CACNA2D4: variants seen among roughly 807,000 people sequenced by gnomAD.
CACNA2D4 encodes the protein calcium voltage-gated channel auxiliary subunit alpha2delta 4, also known as voltage-dependent calcium channel subunit alpha-2/delta-4.
Under a neutral mutation model 163.8 loss-of-function variants are expected in CACNA2D4, and 157 were observed. The observed-to-expected ratio is 0.96, with a 90% CI of 0.84 to 1.09. CACNA2D4 has a LOEUF of 1.09. CACNA2D4 is among the 50% of genes least tolerant of loss of function. CACNA2D4 has a pLI of 0.00. For synonymous variants in CACNA2D4, 598 were observed against 586.9 expected, an observed-to-expected ratio of 1.02 and a Z score of -0.27; for missense variants, 1,410 against 1,479.9, an observed-to-expected ratio of 0.95 and a Z score of 0.78.
At chr12:1,814,756 C>A (rs1863821826) in intron 26 of CACNA2D4, among the ~76,000 whole-genome samples, 1 of 152,240 alleles carries the variant, frequency 6.6e-6, no homozygotes. Context: ...TTAATGCAAG[C>A]ACCCCCGAAC....
chr12:1,907,816 G>T (rs923772548), intron 5 of CACNA2D4, 59 bp downstream of exon 5: 280 of 1,584,102 alleles, frequency 1.8e-4, no homozygotes, highest in Admixed American at 4.8e-4. Flanking sequence ...GGGCGTGTCT[G>T]GTGGGTGTGC....
chr12:1,831,071 A>C, intron 26 of CACNA2D4: 1 of 1,614,014 alleles, frequency 6.2e-7, no homozygotes, highest in South Asian at 1.1e-5. Flanking sequence ...ACGTGCCCGC[A>C]GCCACCCGAA....
At chr12:1,907,326 G>T in intron 6 of CACNA2D4, 114 bp downstream of exon 6, 1 of 959,788 alleles carries the variant, frequency 1.0e-6, no homozygotes, top group Non-Finnish European at 1.5e-6. Context: ...CTTTGGGATA[G>T]GAGGACCAGC....
intron 26 of CACNA2D4, among the ~76,000 whole-genome samples, chr12:1,838,854 C>T (rs183739832): frequency 7.9e-5 from 12 of 152,228 alleles, no homozygotes; most frequent in South Asian, 2.1e-4. Flanking sequence ...TGTAGGGAGA[C>T]GATTTCGGAG....
chr12:1,841,398 G>C (rs1205693079), intron 25 of CACNA2D4, among the ~76,000 whole-genome samples: 4 of 152,214 alleles, frequency 2.6e-5, no homozygotes, highest in Non-Finnish European at 4.4e-5. Flanking sequence ...CAGCAACTCA[G>C]GGCAAGTCCT....
Position 1,834,284 on chromosome 12 carries a change from C to A in CACNA2D4, c.2551+6455G>T. On this transcript the variant is annotated intron_variant, in intron 26 of 37. Transcript: ENST00000382722. The surrounding 1 kb of genome is among the most constrained non-coding windows in gnomAD (Gnocchi z 7.6). ...GCATGTAGGGGGACGCTTGGACCAG[C>A]TTGCCTGCACCCTGCCCAAGGAGCT... 1 of 1,582,016 alleles carries A rather than the reference C, an allele frequency of 6.3e-7. No individual in the cohort carries two copies.
At chr12:1,912,768 C>T (rs1006368901) in intron 3 of CACNA2D4, among the ~76,000 whole-genome samples, 1 of 152,232 alleles carries the variant, frequency 6.6e-6, no homozygotes, top group African/African-American at 2.4e-5. Flanking sequence ...CCCGGCAGTG[C>T]TGGGCATGGC....
In CACNA2D4 at chr12:1,883,880, T is replaced by C. The variant is rs1263519896; in HGVS notation, c.1351+363A>G. The C allele has an allele frequency of 4.0e-6, 1 of 250,018 alleles. No individual in the cohort carries two copies. The highest frequency in any genetic ancestry group is 7.7e-6 in the Non-Finnish European group (1 of 129,342). The allele number at this position is 250,018 out of a possible 1,614,324, so 15.5% of individuals were successfully genotyped here. Reference sequence around the variant, plus strand: ...CCTGGAAATGGGGCCAGGTGCATAGTGGATGCTCAGTGAATTTTTGTTGAA... The same window carrying C: ...CCTGGAAATGGGGCCAGGTGCATAGCGGATGCTCAGTGAATTTTTGTTGAA... On this transcript the variant is annotated intron_variant, in intron 12 of 37. Transcript: ENST00000382722. The surrounding 1 kb of genome is among the most constrained non-coding windows in gnomAD (Gnocchi z 4.5).
intron 6 of CACNA2D4, among the ~76,000 whole-genome samples, chr12:1,902,003 A>G (rs956408349): frequency 1.3e-5 from 2 of 152,166 alleles, no homozygotes; most frequent in African/African-American, 4.8e-5. Flanking sequence ...CAATACATTA[A>G]AAAGATCATT....
rs1863098136 is a variant in CACNA2D4 at position 1,795,650 on chromosome 12, C to T, written c.3226+18G>A. 4 of 1,540,434 alleles carry T rather than the reference C, an allele frequency of 2.6e-6. No homozygotes were observed. The highest frequency in any genetic ancestry group is 3.3e-5 in the Admixed American group (2 of 59,892). ...GCCCCCGCCCCCACCGCACACATCC[C>T]CGAGCATTGCAGGATATATTTGACT... On this transcript the variant is annotated intron_variant, in intron 36 of 37. Coordinates refer to ENST00000382722, the MANE Select transcript of CACNA2D4 (RefSeq NM_172364.5).
chr12:1,848,997 C>T (rs1226739057), intron 23 of CACNA2D4, among the ~76,000 whole-genome samples: 1 of 152,182 alleles, frequency 6.6e-6, no homozygotes, highest in Non-Finnish European at 1.5e-5. Context: ...CCCTTGGGCA[C>T]AATATCATTT....
In CACNA2D4 at chr12:1,880,015, G is replaced by A. The variant is rs1865961251; in HGVS notation, c.1486-134C>T. 1.0e-5 allele frequency: 6 copies of A among 594,580 alleles called. No homozygotes were observed. The South Asian group carries it at 1.2e-4, about 12-fold the overall frequency. 36.8% of individuals were successfully genotyped at this position (594,580 alleles called of 1,614,324 possible). On this transcript the variant is annotated intron_variant, in intron 13 of 37. Transcript: ENST00000382722. ...AGCGTCACCTTCCCACAGGAAGGAG[G>A]AAATCCCAAATGAGGATTCCCTTCT...
intron 16 of CACNA2D4, among the ~76,000 whole-genome samples, chr12:1,876,657 G>C (rs1299300523): frequency 6.6e-6 from 1 of 152,126 alleles, no homozygotes; most frequent in Non-Finnish European, 1.5e-5. Flanking sequence ...TTTCTTGCCT[G>C]TTCAGGGGAT....
rs577934785 is a variant in CACNA2D4, at chr12:1,804,796, C to G, written c.2722-3152G>C. Reference sequence around the variant, plus strand: ...GACTCGAAGGCAGGAGCCCCTCCAGCTATGCTGGGATCGTGCGGATGGGGA... The same window carrying G: ...GACTCGAAGGCAGGAGCCCCTCCAGGTATGCTGGGATCGTGCGGATGGGGA... On this transcript the variant is annotated intron_variant, in intron 29 of 37. Transcript: ENST00000382722. Among the ~76,000 whole-genome samples, 11 of 152,394 alleles carry G rather than the reference C, an allele frequency of 7.2e-5. No individual in the cohort carries two copies. In the East Asian group the frequency reaches 1.9e-3, roughly 27 times the overall value.
At chr12:1,823,206 C>T (rs1400196246) in intron 26 of CACNA2D4, 1 of 152,538 alleles carries the variant, frequency 6.6e-6, no homozygotes, top group African/African-American at 2.4e-5. Flanking sequence ...GGCTGTGTGT[C>T]TTGGATGCTT....
chr12:1,800,615 GC>G, intron 31 of CACNA2D4, 177 bp from the exon 32 acceptor site: 1 of 633,496 alleles, frequency 1.6e-6, no homozygotes, highest in Non-Finnish European at 2.8e-6. Flanking sequence ...CCTCCCACCT[GC>G]CCTGCAGAGC....
chr12:1,831,055 C>T, intron 26 of CACNA2D4: 2 of 1,614,052 alleles, frequency 1.2e-6, no homozygotes, highest in South Asian at 1.1e-5. Context: ...ACCACGGTGC[C>T]CCCAGACGTG....
At chr12:1,796,970 G>A (rs962872424) in intron 35 of CACNA2D4, among the ~76,000 whole-genome samples, 1 of 152,176 alleles carries the variant, frequency 6.6e-6, no homozygotes, top group East Asian at 1.9e-4. Flanking sequence ...GCACACTTCC[G>A]GCCTTCTCTT....
At chr12:1,801,502 G>T in intron 30 of CACNA2D4, 72 bp downstream of exon 30, 5 of 1,259,370 alleles carry the variant, frequency 4.0e-6, no homozygotes, top group Non-Finnish European at 4.5e-6. Flanking sequence ...CCTGAGATCC[G>T]CCAGGACCAC....
Sources: gnomAD v4.1 joint callset for allele counts (sites outside exome capture counted in the v4.1 genomes callset) on GRCh38, gnomAD v4.1.1 for gene constraint, Gnocchi (gnomAD v3.1) non-coding constraint, MANE v1.5 for transcripts, NCBI Gene and HGNC (gene_info 2026-07-23, HGNC 2026-07-21) for gene names.